SFMBT1: variants seen among roughly 807,000 people sequenced by gnomAD.
SFMBT1 encodes the protein Scm like with four mbt domains 1, also known as scm-like with four MBT domains protein 1.
Under a neutral mutation model 108.7 loss-of-function variants are expected in SFMBT1, and 32 were observed. The ratio of observed to expected loss-of-function variants is 0.29; its 90% CI spans 0.22 to 0.40. The LOEUF is 0.40. Among genes scored for constraint, SFMBT1 ranks in the 10% least tolerant of loss-of-function variants. The pLI, the probability that SFMBT1 is intolerant of heterozygous loss-of-function variation, is 1.00. For missense variants in SFMBT1, 816 were observed against 1,059.6 expected (o/e 0.77, Z 3.19); for synonymous variants, 348 against 369.5 (o/e 0.94, Z 0.67).
intron 1 of SFMBT1, among the ~76,000 whole-genome samples, chr3:52,993,014 T>G (rs1705191890): frequency 6.6e-6 from 1 of 152,196 alleles, no homozygotes; most frequent in African/African-American, 2.4e-5. Context: ...TTTATCATAC[T>G]CATCCTTTAA....
chr3:52,955,529 C>G (rs1703750826), intron 2 of SFMBT1, among the ~76,000 whole-genome samples: 1 of 151,912 alleles, frequency 6.6e-6, no homozygotes, highest in African/African-American at 2.4e-5. Context: ...GATATCACCA[C>G]CAATCCCACA....
At chr3:52,966,576 G>C (rs1378756911) in intron 2 of SFMBT1, among the ~76,000 whole-genome samples, 1 of 122,140 alleles carries the variant, frequency 8.2e-6, no homozygotes, top group African/African-American at 3.2e-5. Flanking sequence ...AGTGAGCCGA[G>C]ATCACGCCAC....
chr3:52,987,258 TA>T (rs200329081), intron 1 of SFMBT1, among the ~76,000 whole-genome samples: 1,648 of 152,278 alleles, frequency 0.011, 9 homozygotes, highest in Non-Finnish European at 0.018. Context: ...AATAATGATT[TA>T]AAAGTACAGT....
intron 1 of SFMBT1, among the ~76,000 whole-genome samples, chr3:53,029,501 T>C (rs1484108610): frequency 1.3e-5 from 2 of 152,198 alleles, no homozygotes; most frequent in African/African-American, 4.8e-5. Flanking sequence ...CCTTACCAAG[T>C]AGCCCAGGTA....
intron 1 of SFMBT1, among the ~76,000 whole-genome samples, chr3:52,992,859 T>C (rs1705187599): frequency 6.6e-6 from 1 of 152,208 alleles, no homozygotes; most frequent in African/African-American, 2.4e-5. Flanking sequence ...TACCTGCTCC[T>C]CAGGGTCTGG....
At chr3:52,947,289 C>T (rs1157022231) in intron 3 of SFMBT1, among the ~76,000 whole-genome samples, 2 of 151,706 alleles carry the variant, frequency 1.3e-5, no homozygotes, top group African/African-American at 4.8e-5. Flanking sequence ...GGCTAATTTT[C>T]TGTATTTTTA....
At chr3:53,024,715 T>C (rs1256179566) in intron 1 of SFMBT1, among the ~76,000 whole-genome samples, 1 of 152,196 alleles carries the variant, frequency 6.6e-6, no homozygotes, top group Non-Finnish European at 1.5e-5. Flanking sequence ...TGAATATATT[T>C]TGAACTCCCA....
chr3:52,913,118 G>C (rs1314582054), intron 15 of SFMBT1, among the ~76,000 whole-genome samples: 1 of 152,220 alleles, frequency 6.6e-6, no homozygotes, highest in Non-Finnish European at 1.5e-5. Context: ...GGGAAGAACA[G>C]AAAGCCCAGC....
intron 17 of SFMBT1, among the ~76,000 whole-genome samples, chr3:52,909,272 T>G (rs1400380727): frequency 6.6e-6 from 1 of 152,226 alleles, no homozygotes; most frequent in Non-Finnish European, 1.5e-5. Flanking sequence ...ATATCTTCCT[T>G]CAGAGTAGTG....
At chr3:52,944,329 T>C (rs974349372) in intron 3 of SFMBT1, among the ~76,000 whole-genome samples, 4 of 152,116 alleles carry the variant, frequency 2.6e-5, no homozygotes, top group South Asian at 2.1e-4. Context: ...TGATGATGGA[T>C]TGGTAGGCAG....
intron 12 of SFMBT1, among the ~76,000 whole-genome samples, chr3:52,919,469 A>T (rs1702454029): frequency 6.6e-6 from 1 of 152,218 alleles, no homozygotes; most frequent in South Asian, 2.1e-4. Context: ...GAACAGGCAA[A>T]CCTATGGAGA....
intron 1 of SFMBT1, among the ~76,000 whole-genome samples, chr3:53,000,931 T>A (rs1368525954): frequency 2.0e-5 from 3 of 150,194 alleles, no homozygotes; most frequent in Non-Finnish European, 4.5e-5. Flanking sequence ...AAAAAAAATA[T>A]ATGAAAAGAA....
intron 1 of SFMBT1, among the ~76,000 whole-genome samples, chr3:53,003,270 T>C (rs544016134): frequency 6.7e-6 from 1 of 149,950 alleles, no homozygotes; most frequent in East Asian, 1.9e-4. Flanking sequence ...CTTCACATGA[T>C]AGAGAATTTA....
intron 3 of SFMBT1, among the ~76,000 whole-genome samples, chr3:52,946,435 G>A (rs759252481): frequency 3.3e-5 from 5 of 152,270 alleles, no homozygotes; most frequent in African/African-American, 4.8e-5. Context: ...GAAATTATGC[G>A]GTATGAATAT....
intron 1 of SFMBT1, among the ~76,000 whole-genome samples, chr3:52,971,436 TGA>T (rs550787624): frequency 1.6e-3 from 238 of 152,224 alleles, no homozygotes; most frequent in African/African-American, 5.4e-3. Flanking sequence ...AAAAGAAACT[TGA>T]GAGTGATGTT....
intron 1 of SFMBT1, among the ~76,000 whole-genome samples, chr3:52,986,543 G>A (rs2564931): frequency 0.36 from 54,086 of 151,420 alleles, 10,502 homozygotes; most frequent in East Asian, 0.54. Flanking sequence ...AGGTGGGCAG[G>A]TGACCTGAGA....
chr3:52,962,792 G>C (rs1704005998), intron 2 of SFMBT1, among the ~76,000 whole-genome samples: 2 of 111,688 alleles, frequency 1.8e-5, no homozygotes, highest in African/African-American at 7.0e-5. Flanking sequence ...GGGTGACAGA[G>C]CAAGGCTCCC....
At chr3:52,953,476 T>C (rs961589515) in intron 3 of SFMBT1, among the ~76,000 whole-genome samples, 1 of 151,930 alleles carries the variant, frequency 6.6e-6, no homozygotes. Flanking sequence ...AGATATAAAT[T>C]ATAAACAAAA....
chr3:52,993,767 A>G (rs1166874578), intron 1 of SFMBT1, among the ~76,000 whole-genome samples: 1 of 150,468 alleles, frequency 6.6e-6, no homozygotes, highest in East Asian at 1.9e-4. Flanking sequence ...AGCGCTCAAT[A>G]TAATTTATGT....
Sources: allele counts gnomAD v4.1 joint callset (sites outside exome capture counted in the v4.1 genomes callset), GRCh38; gene constraint gnomAD v4.1.1; transcripts MANE v1.5; gene names NCBI Gene and HGNC (gene_info 2026-07-23, HGNC 2026-07-21).